Variants in ANKRD30A observed in about 807,000 individuals in gnomAD.
The protein encoded by ANKRD30A is ankyrin repeat domain-containing protein 30A.
A neutral mutation model predicts 166.3 loss-of-function variants in ANKRD30A; 170 were observed. The ratio of observed to expected loss-of-function variants is 1.02; its 90% CI spans 0.90 to 1.16. The LOEUF is 1.16. Ranked by LOEUF, ANKRD30A falls within the 50% of genes most tolerant of loss-of-function variation. The pLI, the probability that ANKRD30A is intolerant of heterozygous loss-of-function variation, is 0.00. For missense variants in ANKRD30A, 1,630 were observed against 1,518.0 expected, an observed-to-expected ratio of 1.07 and a Z score of -1.23; for synonymous variants, 564 against 508.9, an observed-to-expected ratio of 1.11 and a Z score of -1.46.
chr10:37,190,303 C>T (rs1840434073), intron 25 of ANKRD30A, among the ~76,000 whole-genome samples: 1 of 151,708 alleles, frequency 6.6e-6, no homozygotes, highest in African/African-American at 2.4e-5. Flanking sequence ...TTGGACGTTG[C>T]TCTGGGTTGC....
chr10:37,193,217 C>T lies in ANKRD30A; in HGVS notation c.2573C>T (p.Thr858Ile). The part of the protein sequence containing the change: ...APCRMKVSIP[T>I]KALELMDMQT... ...TGCAGAATGAAAGTTTCTATTCCAACTAAAGCCTTAGAATTGATGGACATG... is the reference window on the plus strand; with the variant it reads ...TGCAGAATGAAAGTTTCTATTCCAATTAAAGCCTTAGAATTGATGGACATG... The change falls in exon 27 of 36, where the codon ACT (threonine) becomes ATT (isoleucine). Residue 858 changes from threonine (T) to isoleucine (I), a missense_variant. Transcript: ENST00000361713. 6 of 1,611,904 alleles carry T rather than the reference C, an allele frequency of 3.7e-6. No individual in the cohort carries two copies. The highest frequency in any genetic ancestry group is 5.1e-6 in the Non-Finnish European group (6 of 1,179,332).
chr10:37,208,000 G>A (rs79858169), intron 31 of ANKRD30A, among the ~76,000 whole-genome samples: 3,028 of 152,114 alleles, frequency 0.02, 85 homozygotes, highest in African/African-American at 0.068. Flanking sequence ...ACATATCTGG[G>A]TAAATGGTGA....
chr10:37,183,828 A>G (rs1428904184), intron 24 of ANKRD30A, among the ~76,000 whole-genome samples: 1 of 148,330 alleles, frequency 6.7e-6, no homozygotes, highest in Non-Finnish European at 1.5e-5. Flanking sequence ...TAGAAAACAT[A>G]AACAAAAGAT....
rs574917815 is a variant in ANKRD30A at position 37,210,110 on chromosome 10, C to T, written c.2870-6071C>T. 1.4e-4 allele frequency among the ~76,000 whole-genome samples: 22 copies of T among 152,158 alleles called. No individual in the cohort carries two copies. In the South Asian group the frequency reaches 3.9e-3, roughly 27 times the overall value. The stretch of plus-strand genomic sequence containing the variant: ...GTATTTCTCCTAATGCTACCCCTCC[C>T]CCAGCCCCTCATCCCCAACAGTCCC... On this transcript the variant is annotated intron_variant, in intron 31 of 35. Coordinates refer to ENST00000361713, the MANE Select transcript of ANKRD30A (RefSeq NM_052997.3).
chr10:37,142,361 G>A, intron 7 of ANKRD30A, 71 bp downstream of exon 7: 1 of 1,369,004 alleles, frequency 7.3e-7, no homozygotes, highest in African/African-American at 1.5e-5. Context: ...AGTGTGATAT[G>A]GGAGTAGTTG....
the ANKRD30A span, among the ~76,000 whole-genome samples, chr10:37,252,978 T>C: frequency 8.2e-4 from 125 of 152,302 alleles, no homozygotes; most frequent in African/African-American, 3.0e-3. Context: ...TCAACCAGCA[T>C]TGGAAATACT....
At chr10:37,158,482 A>G (rs1469388204) in intron 14 of ANKRD30A, 32 bp from the exon 15 acceptor site, 4 of 1,613,272 alleles carry the variant, frequency 2.5e-6, no homozygotes, top group Admixed American at 3.3e-5. Flanking sequence ...TATACATTGT[A>G]TATTAATTGT....
intron 29 of ANKRD30A, among the ~76,000 whole-genome samples, chr10:37,198,393 G>A (rs1238163013): frequency 1.3e-5 from 2 of 152,110 alleles, no homozygotes; most frequent in East Asian, 1.9e-4. Context: ...TTTTATGACA[G>A]TACCATAGTT....
intron 11 of ANKRD30A, 104 bp from the exon 12 acceptor site, chr10:37,151,956 A>T: frequency 9.7e-7 from 1 of 1,026,238 alleles, no homozygotes; most frequent in Non-Finnish European, 1.4e-6. Flanking sequence ...CGGGCCACAG[A>T]GGAAAAACCA....
At position 37,153,672 on chromosome 10, in the gene ANKRD30A, G is replaced by A. The variant is rs200442291; in HGVS notation, c.1798+10G>A. ...AATGGAAAATTAGAAGGTAAGAACC[G>A]TTTTTTATTTAAAAATCAGTTGACC... On this transcript the variant is annotated intron_variant, in intron 13 of 35. Transcript: ENST00000361713. The A allele has an allele frequency of 1.8e-4, 293 of 1,610,130 alleles. No homozygotes were observed. The highest frequency in any genetic ancestry group is 2.3e-4 in the Non-Finnish European group (268 of 1,178,992).
rs187077038 is a variant in ANKRD30A, at chr10:37,138,143, T to C, written c.820+1472T>C. 1.5e-4 allele frequency among the ~76,000 whole-genome samples: 23 copies of C among 152,028 alleles called. No homozygotes were observed. In the East Asian group the frequency reaches 4.5e-3, roughly 29 times the overall value. On this transcript the variant is annotated intron_variant, in intron 6 of 35. Coordinates refer to ENST00000361713, the MANE Select transcript of ANKRD30A (RefSeq NM_052997.3). ...GGTCTGGAGTGGACCTCCAGCAAAC[T>C]CCAACAGACGTGCAGCTGAGGATCC...
chr10:37,127,037 ACTCTGTCTC>A (rs1836066851), intron 1 of ANKRD30A, among the ~76,000 whole-genome samples: 1 of 127,062 alleles, frequency 7.9e-6, no homozygotes, highest in Non-Finnish European at 1.6e-5. Context: ...ATAGAGTGAA[ACTCTGTCTC>A]AAAAAAAAAA....
intron 27 of ANKRD30A, among the ~76,000 whole-genome samples, chr10:37,196,852 C>T (rs531765856): frequency 3.0e-4 from 45 of 152,218 alleles, no homozygotes; most frequent in East Asian, 7.7e-4. Context: ...ACTTCAGTGA[C>T]GAGATGTCAG....
rs550131022 is a variant in ANKRD30A, at chr10:37,159,597, C to T, written c.1900+1011C>T. The stretch of plus-strand genomic sequence containing the variant: ...GTACAATTTGTTTTCATGTCTTATA[C>T]GCTGTGTGTAGAATTTGTTTTCATG... On this transcript the variant is annotated intron_variant, in intron 15 of 35. Transcript: ENST00000361713. 1.4e-4 allele frequency among the ~76,000 whole-genome samples: 21 copies of T among 152,218 alleles called. 1 individual carries two copies. Among genetic ancestry groups the T allele is most frequent in the African/African-American group, 3.6e-4 (15 of 41,544 alleles).
intron 31 of ANKRD30A, among the ~76,000 whole-genome samples, chr10:37,214,119 A>T (rs1383650376): frequency 1.3e-5 from 2 of 151,534 alleles, no homozygotes; most frequent in African/African-American, 2.4e-5. Flanking sequence ...TAGGACTGTT[A>T]TGTTTTCTTG....
At chr10:37,151,001 C>G (rs1207940556) in intron 11 of ANKRD30A, among the ~76,000 whole-genome samples, 1 of 141,134 alleles carries the variant, frequency 7.1e-6, no homozygotes, top group Non-Finnish European at 1.6e-5. Context: ...AACATGGTGA[C>G]TTACCAAAGT....
chr10:37,225,449 T>G (rs973357892), intron 34 of ANKRD30A, among the ~76,000 whole-genome samples: 1 of 151,750 alleles, frequency 6.6e-6, no homozygotes, highest in Non-Finnish European at 1.5e-5. Flanking sequence ...AATGTTAAAA[T>G]GGAAAGCTAA....
chr10:37,144,437 G>A (rs555253054), intron 7 of ANKRD30A, among the ~76,000 whole-genome samples: 65 of 152,268 alleles, frequency 4.3e-4, no homozygotes, highest in African/African-American at 1.5e-3. Context: ...TGCAATACAA[G>A]TTCTTTAAGC....
chr10:37,183,183 G>A (rs1268937167), intron 24 of ANKRD30A, among the ~76,000 whole-genome samples: 8 of 149,020 alleles, frequency 5.4e-5, no homozygotes, highest in Non-Finnish European at 1.2e-4. Flanking sequence ...TAAAATACAC[G>A]AATTGGAAAA....
Sources: gnomAD v4.1 joint callset for allele counts (sites outside exome capture counted in the v4.1 genomes callset) on GRCh38, gnomAD v4.1.1 for gene constraint, MANE v1.5 for transcripts, NCBI Gene and HGNC (gene_info 2026-07-23, HGNC 2026-07-21) for gene names.